FSTL5: variants seen among roughly 807,000 people sequenced by gnomAD.
The protein encoded by FSTL5 is follistatin-related protein 5.
FSTL5 carries 62 observed loss-of-function variants against 89.1 expected under a neutral mutation model. That is an observed-to-expected ratio of 0.70 (90% CI 0.57 to 0.86). The LOEUF (loss-of-function observed/expected upper bound fraction) is 0.86. Ranked by LOEUF, FSTL5 falls within the 40% of genes least tolerant of loss-of-function variation. The pLI, the probability that FSTL5 is intolerant of heterozygous loss-of-function variation, is 0.00. For missense variants in FSTL5, 1,057 were observed against 1,001.6 expected, an observed-to-expected ratio of 1.06 and a Z score of -0.75; for synonymous variants, 383 against 346.2, an observed-to-expected ratio of 1.11 and a Z score of -1.18.
At chr4:161,494,196 A>G (rs1729985664) in intron 12 of FSTL5, among the ~76,000 whole-genome samples, 1 of 152,140 alleles carries the variant, frequency 6.6e-6, no homozygotes, top group Non-Finnish European at 1.5e-5. Context: ...TCACATTTTT[A>G]TCACTGTATA....
chr4:161,918,787 G>C (rs1272937076), intron 4 of FSTL5, among the ~76,000 whole-genome samples: 2 of 151,948 alleles, frequency 1.3e-5, no homozygotes, highest in Non-Finnish European at 1.5e-5. Flanking sequence ...TGGGATAGAG[G>C]CACCCGCCAT....
intron 4 of FSTL5, among the ~76,000 whole-genome samples, chr4:161,873,569 A>T: frequency 2.1e-4 from 25 of 119,362 alleles, no homozygotes; most frequent in Admixed American, 8.1e-4. Context: ...CTCTTCCTCC[A>T]TTTTTCCCAT....
At position 161,415,683 on chromosome 4, in the gene FSTL5, GAGAGAGAA is replaced by G. The variant is rs573235927; in HGVS notation, c.1842-29242_1842-29235del. Among the ~76,000 whole-genome samples, 502 of 150,286 alleles carry G rather than the reference GAGAGAGAA, an allele frequency of 3.3e-3. 12 individuals are homozygous for G. In the East Asian group the frequency reaches 0.052, roughly 15 times the overall value. On this transcript the variant is annotated intron_variant, in intron 15 of 15. Transcript: ENST00000306100. ...ATATATAGAGAGAGAGAGAGAGAAAGAGAGAGAAAGAGAGAGAGAGAGAACATATATAT... is the reference window on the plus strand; with the variant it reads ...ATATATAGAGAGAGAGAGAGAGAAAGAGAGAGAGAGAGAGAACATATATAT...
chr4:161,768,756 AT>A (rs1434822880), intron 5 of FSTL5, among the ~76,000 whole-genome samples: 1 of 151,910 alleles, frequency 6.6e-6, no homozygotes, highest in East Asian at 1.9e-4. Flanking sequence ...AAACAACCTA[AT>A]AAAGAATCTT....
intron 3 of FSTL5, among the ~76,000 whole-genome samples, chr4:161,977,639 A>AAAAAAAT (rs1553988132): frequency 3.2e-4 from 32 of 101,204 alleles, no homozygotes; most frequent in Middle Eastern, 5.0e-3. Flanking sequence ...AAAAAAAAAA[A>AAAAAAAT]AATAATAATA....
intron 6 of FSTL5, among the ~76,000 whole-genome samples, chr4:161,738,717 C>A (rs1238668587): frequency 6.6e-6 from 1 of 152,078 alleles, no homozygotes; most frequent in Non-Finnish European, 1.5e-5. Context: ...GCTTCACATA[C>A]TTGGAAAATT....
At chr4:161,463,148 A>T (rs1482757407) in intron 13 of FSTL5, among the ~76,000 whole-genome samples, 1 of 152,160 alleles carries the variant, frequency 6.6e-6, no homozygotes. Flanking sequence ...GGATATACCT[A>T]TTTGGAGGAA....
At chr4:162,131,326 T>C (rs940333893) in intron 1 of FSTL5, among the ~76,000 whole-genome samples, 1 of 152,208 alleles carries the variant, frequency 6.6e-6, no homozygotes, top group African/African-American at 2.4e-5. Flanking sequence ...TATTTTATAT[T>C]AAATGAATGA....
At chr4:161,598,717 A>T (rs543110726) in intron 7 of FSTL5, among the ~76,000 whole-genome samples, 1 of 152,248 alleles carries the variant, frequency 6.6e-6, no homozygotes, top group Non-Finnish European at 1.5e-5. Context: ...TAGCATGGCA[A>T]ATTAGTAGAG....
intron 13 of FSTL5, among the ~76,000 whole-genome samples, chr4:161,479,936 G>A (rs998064385): frequency 6.6e-6 from 1 of 152,114 alleles, no homozygotes; most frequent in Non-Finnish European, 1.5e-5. Flanking sequence ...TGCTACATGG[G>A]TGAGTGAATG....
intron 7 of FSTL5, among the ~76,000 whole-genome samples, chr4:161,610,552 G>T (rs1734597950): frequency 6.6e-6 from 1 of 152,100 alleles, no homozygotes; most frequent in Admixed American, 6.6e-5. Flanking sequence ...TAAAACCCAG[G>T]TTTCTAAGAT....
intron 4 of FSTL5, among the ~76,000 whole-genome samples, chr4:161,811,703 A>C (rs966278679): frequency 2.0e-5 from 3 of 152,198 alleles, no homozygotes; most frequent in Non-Finnish European, 4.4e-5. Context: ...AACCATCAAA[A>C]ACACAATACT....
chr4:161,785,390 G>A (rs1741866575), intron 4 of FSTL5, among the ~76,000 whole-genome samples: 1 of 152,166 alleles, frequency 6.6e-6, no homozygotes, highest in South Asian at 2.1e-4. Flanking sequence ...ATCTACACTG[G>A]AACAGAAAGA....
intron 4 of FSTL5, among the ~76,000 whole-genome samples, chr4:161,884,956 T>C (rs1732753230): frequency 6.6e-6 from 1 of 152,168 alleles, no homozygotes; most frequent in African/African-American, 2.4e-5. Context: ...ATTTTAGATA[T>C]TTGAATAGTT....
In FSTL5 at chr4:162,157,532, T is replaced by A. The variant is rs575611658; in HGVS notation, c.-17+6083A>T. On this transcript the variant is annotated intron_variant, in intron 1 of 15. Coordinates refer to ENST00000306100, the MANE Select transcript of FSTL5 (RefSeq NM_020116.5). ...AGACTTCCTAGGGCTCCACAGAGAA[T>A]CAGGAACAATGAGTTACACGAATGG... 2.6e-5 allele frequency among the ~76,000 whole-genome samples: 4 copies of A among 152,054 alleles called. No homozygotes were observed. In the East Asian group the frequency reaches 7.7e-4, roughly 29 times the overall value.
chr4:161,386,256 C>A lies in FSTL5; in HGVS notation c.2035G>T (p.Val679Leu). 1 of 1,613,994 alleles carries A rather than the reference C, an allele frequency of 6.2e-7. No homozygotes were observed. The highest frequency in any genetic ancestry group is 8.5e-7 in the Non-Finnish European group (1 of 1,179,960). The part of the protein sequence containing the change: ...STGAVSPQVM[V>L]DGVTDSVIGF... ...ATGACTGAGTCAGTTACACCGTCCACCATGACCTGTGGGGAAACTGCTCCG... is the reference window on the plus strand; with the variant it reads ...ATGACTGAGTCAGTTACACCGTCCAACATGACCTGTGGGGAAACTGCTCCG... Residue 679 changes from valine (V) to leucine (L), a missense_variant, in exon 16 of 16, where the codon GTG becomes TTG. Physicochemically the swap from Val to Leu is conservative, Grantham distance 32. Coordinates refer to ENST00000306100, the MANE Select transcript of FSTL5 (RefSeq NM_020116.5).
intron 7 of FSTL5, among the ~76,000 whole-genome samples, chr4:161,648,316 G>A (rs888722037): frequency 2.0e-5 from 3 of 152,114 alleles, no homozygotes; most frequent in Non-Finnish European, 4.4e-5. Flanking sequence ...TTCACCCCTA[G>A]ACACTGCCAG....
At chr4:161,596,258 C>T (rs1734008427) in intron 7 of FSTL5, among the ~76,000 whole-genome samples, 1 of 151,704 alleles carries the variant, frequency 6.6e-6, no homozygotes, top group Middle Eastern at 3.7e-3. Context: ...TTGGTAAATA[C>T]ATCATTTAAA....
intron 7 of FSTL5, among the ~76,000 whole-genome samples, chr4:161,623,304 T>C (rs1396213108): frequency 3.9e-5 from 6 of 152,024 alleles, no homozygotes; most frequent in East Asian, 1.9e-4. Flanking sequence ...AATAAAAGTA[T>C]GGAGACAGGC....
Sources: gnomAD v4.1 joint callset for allele counts (sites outside exome capture counted in the v4.1 genomes callset) on GRCh38, gnomAD v4.1.1 for gene constraint, MANE v1.5 for transcripts, NCBI Gene and HGNC (gene_info 2026-07-23, HGNC 2026-07-21) for gene names.